Variants in UBA6 observed in about 807,000 individuals in gnomAD.
UBA6 encodes ubiquitin-like modifier-activating enzyme 6.
A neutral mutation model predicts 148.3 loss-of-function variants in UBA6; 87 were observed. The ratio of observed to expected loss-of-function variants is 0.59; its 90% CI spans 0.49 to 0.70. UBA6 has a LOEUF of 0.70. Among genes scored for constraint, UBA6 ranks in the 30% least tolerant of loss-of-function variants. UBA6 has a pLI of 0.00. For synonymous variants in UBA6, 376 were observed against 401.0 expected, an observed-to-expected ratio of 0.94 and a Z score of 0.75; for missense variants, 1,186 against 1,241.2, an observed-to-expected ratio of 0.96 and a Z score of 0.67.
chr4:67,696,494 T>C (rs9761509), intron 2 of UBA6, 151 bp downstream of exon 2: 14 of 548,846 alleles, frequency 2.6e-5, no homozygotes, highest in Non-Finnish European at 3.6e-5. Flanking sequence ...CACACACATA[T>C]ATATACACAC....
chr4:67,680,010 ATC>A (rs1730392673), intron 4 of UBA6, among the ~76,000 whole-genome samples: 4 of 152,340 alleles, frequency 2.6e-5, no homozygotes, highest in South Asian at 2.1e-4. Flanking sequence ...CCATGAGTTT[ATC>A]ATAATGTACA....
At chr4:67,688,705 A>G (rs1013881437) in intron 2 of UBA6, among the ~76,000 whole-genome samples, 14 of 152,116 alleles carry the variant, frequency 9.2e-5, no homozygotes, top group African/African-American at 2.2e-4. Context: ...TCAACTGGGT[A>G]CTAAAATTGC....
chr4:67,685,628 C>T lies in UBA6; in HGVS notation c.135-3415G>A, dbSNP rs531197255. ...GTTTGTGTGTTGGAAACTTAAACCC[C>T]GTTACGTAGGACCTAATGGGAGGTG... On this transcript the variant is annotated intron_variant, in intron 2 of 32. Transcript: ENST00000322244. Among the ~76,000 whole-genome samples the T allele has an allele frequency of 2.0e-5, 3 of 152,234 alleles. No individual in the cohort carries two copies. The East Asian group carries it at 5.8e-4, about 29-fold the overall frequency.
At chr4:67,684,153 G>A (rs1730505878) in intron 2 of UBA6, among the ~76,000 whole-genome samples, 1 of 152,178 alleles carries the variant, frequency 6.6e-6, no homozygotes, top group Non-Finnish European at 1.5e-5. Context: ...TTTTGGCAGT[G>A]TATCAAAGTC....
At chr4:67,672,836 C>T (rs1300753601) in intron 7 of UBA6, among the ~76,000 whole-genome samples, 2 of 152,164 alleles carry the variant, frequency 1.3e-5, no homozygotes, top group Non-Finnish European at 2.9e-5. Flanking sequence ...CAAACATCAT[C>T]TCCTTAGTGA....
At chr4:67,655,717 C>CA (rs1414800579) in intron 13 of UBA6, among the ~76,000 whole-genome samples, 2 of 152,078 alleles carry the variant, frequency 1.3e-5, no homozygotes, top group African/African-American at 2.4e-5. Flanking sequence ...GATAGAGACA[C>CA]AAAAAACCCT....
intron 13 of UBA6, among the ~76,000 whole-genome samples, chr4:67,653,296 C>G (rs1729601059): frequency 6.6e-6 from 1 of 152,174 alleles, no homozygotes; most frequent in South Asian, 2.1e-4. Flanking sequence ...ACACCTCATA[C>G]AGGTGGGTGC....
chr4:67,633,663 G>GT (rs1255488988), intron 22 of UBA6, among the ~76,000 whole-genome samples, 190 bp from the exon 23 acceptor site: 3 of 151,932 alleles, frequency 2.0e-5, no homozygotes, highest in Non-Finnish European at 4.4e-5. Context: ...AAGGGGAATG[G>GT]TAAGAGATAG....
intron 1 of UBA6, among the ~76,000 whole-genome samples, chr4:67,697,348 G>A (rs1309200657): frequency 6.6e-6 from 1 of 152,156 alleles, no homozygotes; most frequent in East Asian, 1.9e-4. Flanking sequence ...CAGCAATTCT[G>A]TACCATGAAC....
At chr4:67,637,516 T>G (rs994466380) in intron 19 of UBA6, among the ~76,000 whole-genome samples, 6 of 152,170 alleles carry the variant, frequency 3.9e-5, no homozygotes, top group Non-Finnish European at 8.8e-5. Context: ...GGGGAAAAGA[T>G]AGAGAAATCA....
At chr4:67,673,171 T>C (rs1402045481) in intron 7 of UBA6, among the ~76,000 whole-genome samples, 4 of 151,956 alleles carry the variant, frequency 2.6e-5, no homozygotes, top group Admixed American at 2.0e-4. Flanking sequence ...CATTTAAAAT[T>C]AGAGGCTGGG....
chr4:67,673,641 T>C (rs1473452726), intron 7 of UBA6, 56 bp downstream of exon 7: 3 of 1,185,050 alleles, frequency 2.5e-6, no homozygotes, highest in Non-Finnish European at 2.5e-6. Flanking sequence ...AAAATTCTAC[T>C]AGTGAAAGTG....
chr4:67,678,377 A>C, intron 5 of UBA6, 62 bp downstream of exon 5: 1 of 1,030,876 alleles, frequency 9.7e-7, no homozygotes, highest in Admixed American at 2.5e-5. Context: ...TTCTAGATAA[A>C]GGAAATATTT....
At chr4:67,690,539 T>G (rs1326190588) in intron 2 of UBA6, among the ~76,000 whole-genome samples, 1 of 152,066 alleles carries the variant, frequency 6.6e-6, no homozygotes, top group Admixed American at 6.6e-5. Flanking sequence ...TTATAAACCA[T>G]GTATGTGATA....
At position 67,613,585 on chromosome 4, in the gene UBA6, T is replaced by C. The variant is rs960697139; in HGVS notation, c.*5412A>G. Reference sequence around the variant, plus strand: ...AAAAGAACAATAAGTTGGGAGGATTTGTTTGGCCAGATATCAAGAATATAT... The same window carrying C: ...AAAAGAACAATAAGTTGGGAGGATTCGTTTGGCCAGATATCAAGAATATAT... On this transcript the variant is annotated 3_prime_UTR_variant, in exon 33 of 33. Coordinates refer to ENST00000322244, the MANE Select transcript of UBA6 (RefSeq NM_018227.6). The C allele has an allele frequency of 9.2e-5, 14 of 151,884 alleles. No homozygotes were observed. Among genetic ancestry groups the C allele is most frequent in the African/African-American group, 2.7e-4 (11 of 41,334 alleles). The allele number at this position is 151,884 out of a possible 1,614,324, so 9.4% of individuals were successfully genotyped here. A position where few individuals can be genotyped will look rare whatever the true frequency, so the allele number is the denominator to read the frequency against.
chr4:67,633,443 A>C lies in UBA6; in HGVS notation c.2044T>G (p.Cys682Gly). The C allele has an allele frequency of 6.2e-7, 1 of 1,610,240 alleles. No homozygotes were observed. The highest frequency in any genetic ancestry group is 8.5e-7 in the Non-Finnish European group (1 of 1,179,198). Reference protein sequence around the residue: ...KIQSGHSLEGCFQVIKLLSRR... With the variant: ...KIQSGHSLEGGFQVIKLLSRR... ...CTAAGTAACTTTATAACTTGAAAACAGCCTTCTAAACTGTGTCCACTCTGT... is the reference window on the plus strand; with the variant it reads ...CTAAGTAACTTTATAACTTGAAAACCGCCTTCTAAACTGTGTCCACTCTGT... The change falls in exon 23 of 33, where the codon TGT becomes GGT. Residue 682 changes from cysteine to glycine, a missense_variant. By Grantham distance (159) the Cys-to-Gly change is radical (BLOSUM62 -3). Transcript: ENST00000322244.
At chr4:67,692,578 T>C (rs1476454695) in intron 2 of UBA6, among the ~76,000 whole-genome samples, 4 of 152,178 alleles carry the variant, frequency 2.6e-5, no homozygotes, top group African/African-American at 4.8e-5. Flanking sequence ...GTTCCATTGA[T>C]GCTTTGATTC....
intron 14 of UBA6, among the ~76,000 whole-genome samples, chr4:67,647,712 G>T (rs140848746): frequency 6.6e-6 from 1 of 150,434 alleles, no homozygotes; most frequent in Non-Finnish European, 1.5e-5. Context: ...TGAACAAATG[G>T]TTATTTATTT....
intron 13 of UBA6, chr4:67,661,694 CAAAT>C (rs1398883423): frequency 6.4e-6 from 1 of 156,614 alleles, no homozygotes; most frequent in East Asian, 1.9e-4. Context: ...TATAGCTGCT[CAAAT>C]AAAACTGTTG....
Sources: allele counts gnomAD v4.1 joint callset (sites outside exome capture counted in the v4.1 genomes callset), GRCh38; gene constraint gnomAD v4.1.1; transcripts MANE v1.5; gene names NCBI Gene and HGNC (gene_info 2026-07-23, HGNC 2026-07-21).